The following C22orf15 variants were observed in gnomAD, a reference collection of about 807,000 sequenced individuals.
C22orf15 encodes chromosome 22 open reading frame 15, also known as uncharacterized protein C22orf15.
C22orf15 carries 21 observed loss-of-function variants against 20.3 expected under a neutral mutation model. The ratio of observed to expected loss-of-function variants is 1.04; its 90% confidence interval spans 0.74 to 1.49. The LOEUF (loss-of-function observed/expected upper bound fraction) is 1.49, where lower values mean the gene tolerates loss of function less well. Among genes scored for constraint, C22orf15 ranks in the 40% most tolerant of loss-of-function variants. The pLI, the probability that C22orf15 is intolerant of heterozygous loss-of-function variation, is 0.00. For synonymous variants in C22orf15, 78 were observed against 75.4 expected (o/e 1.03, Z -0.18); for missense variants, 170 against 191.1 (o/e 0.89, Z 0.65).
chr22:23,764,096 C>G lies in C22orf15; in HGVS notation c.35C>G (p.Ser12Trp). The G allele has an allele frequency of 6.4e-7, 1 of 1,550,712 alleles. No homozygotes were observed. Among genetic ancestry groups the G allele is most frequent in the South Asian group, 1.2e-5 (1 of 84,002 alleles). Residue 12 changes from serine (S) to tryptophan (W), a missense_variant, in exon 2 of 6, where the codon TCG becomes TGG. By Grantham distance (177) the Ser-to-Trp change is radical. Coordinates refer to ENST00000402217, the MANE Select transcript of C22orf15 (RefSeq NM_182520.3). Reference protein sequence around the residue: ...FIKVMFGAGCSVLVNTSCRLV... With the variant: ...FIKVMFGAGCWVLVNTSCRLV... ...TTGCCCCTCTCCACAGCTGGCTGCT[C>G]GGTGCTGGTGAACACCTCTTGCAGG...
chr22:23,765,768 C>T lies in C22orf15; in HGVS notation c.*36C>T. The stretch of plus-strand genomic sequence containing the variant: ...TGCACACTGTAGTGAGACATCCATC[C>T]TGACCCCACCTCATCAGCCAGGGAG... On this transcript the variant is annotated 3_prime_UTR_variant, in exon 6 of 6. Transcript: ENST00000402217. The T allele has an allele frequency of 6.5e-7, 1 of 1,548,766 alleles. No individual in the cohort carries two copies. The highest frequency in any genetic ancestry group is 8.7e-7 in the Non-Finnish European group (1 of 1,145,224).
At chr22:23,764,054 A>G (rs1355852874) in intron 1 of C22orf15, 33 bp from the exon 2 acceptor site, 3 of 1,544,940 alleles carry the variant, frequency 1.9e-6, no homozygotes, top group Non-Finnish European at 2.6e-6. Context: ...AAGGTAAGAG[A>G]TCTCACAGGC....
intron 5 of C22orf15, chr22:23,765,326 T>C (rs1926597333): frequency 1.3e-6 from 2 of 1,546,446 alleles, no homozygotes; most frequent in Non-Finnish European, 1.7e-6. Flanking sequence ...ACTAGCCAAG[T>C]TGGACTCAGA....
intron 5 of C22orf15, 59 bp from the exon 6 acceptor site, chr22:23,765,662 G>C: frequency 6.6e-7 from 1 of 1,525,442 alleles, no homozygotes; most frequent in Non-Finnish European, 8.8e-7. Flanking sequence ...ACTGCCCAAG[G>C]AATCTGTCCT....
rs369504865 is a variant in C22orf15 at position 23,764,331 on chromosome 22, C to T, written c.184C>T (p.Arg62Trp). 2.6e-5 allele frequency: 40 copies of T among 1,551,454 alleles called. No individual in the cohort carries two copies. Among genetic ancestry groups the T allele is most frequent in the Non-Finnish European group, 2.9e-5 (33 of 1,146,988 alleles). ...GGAGGACCTGAAGGAAGGGGCTTCC[C>T]GGGCCCAGACCATGGGCAACTCCCT... ...LEEDLKEGAS[R>W]AQTMGNSLLK... Residue 62 changes from arginine to tryptophan, a missense_variant, in exon 3 of 6, where the codon CGG (arginine) becomes TGG (tryptophan). By Grantham distance (101) the Arg-to-Trp change is moderately radical. Coordinates refer to ENST00000402217, the MANE Select transcript of C22orf15 (RefSeq NM_182520.3).
chr22:23,763,957 C>T (rs561390209), intron 1 of C22orf15, 130 bp from the exon 2 acceptor site: 65 of 823,338 alleles, frequency 7.9e-5, no homozygotes, highest in Non-Finnish European at 1.2e-4. Flanking sequence ...CTGTTATGCC[C>T]GGGGCACAGT....
At chr22:23,765,014 A>G (rs1926527659) in intron 5 of C22orf15, 112 bp downstream of exon 5, 1 of 1,507,614 alleles carries the variant, frequency 6.6e-7, no homozygotes, top group Non-Finnish European at 8.8e-7. Context: ...CAGGACAGAC[A>G]CATATGATGA....
Position 23,764,071 on chromosome 22 carries a change from T to G in C22orf15, c.26-16T>G, listed in dbSNP as rs1926198135. On this transcript the variant is annotated splice_polypyrimidine_tract_variant and intron_variant, in intron 1 of 5. Transcript: ENST00000402217. ...GGTAAGAGATCTCACAGGCTCACCT[T>G]TGCCCCTCTCCACAGCTGGCTGCTC... 1 of 1,549,912 alleles carries G rather than the reference T, an allele frequency of 6.5e-7. No individual in the cohort carries two copies. The highest frequency in any genetic ancestry group is 2.0e-5 in the Admixed American group (1 of 50,982).
chr22:23,763,221 A>G lies in C22orf15; in HGVS notation c.-86A>G. 1 of 1,518,272 alleles carries G rather than the reference A, an allele frequency of 6.6e-7. No individual in the cohort carries two copies. Among genetic ancestry groups the G allele is most frequent in the Non-Finnish European group, 8.9e-7 (1 of 1,120,892 alleles). The allele number at this position is 1,518,272 out of a possible 1,614,324, so 94.1% of individuals were successfully genotyped here. ...TCCCTCCAGAGCCCGGCCCTGAAGC[A>G]GGTCTCTGCTCCACGCTTTTCCTTA... is the stretch of plus-strand genomic sequence containing the variant. On this transcript the variant is annotated 5_prime_UTR_variant, in exon 1 of 6. Coordinates refer to ENST00000402217, the MANE Select transcript of C22orf15 (RefSeq NM_182520.3).
Position 23,765,772 on chromosome 22 carries a change from C to T in C22orf15, c.*40C>T, listed in dbSNP as rs1266963428. 1.9e-6 allele frequency: 3 copies of T among 1,548,394 alleles called. No individual in the cohort carries two copies. Among genetic ancestry groups the T allele is most frequent in the Non-Finnish European group, 1.7e-6 (2 of 1,145,050 alleles). On this transcript the variant is annotated 3_prime_UTR_variant, in exon 6 of 6. Coordinates refer to ENST00000402217, the MANE Select transcript of C22orf15 (RefSeq NM_182520.3). The stretch of plus-strand genomic sequence containing the variant: ...CACTGTAGTGAGACATCCATCCTGA[C>T]CCCACCTCATCAGCCAGGGAGCTCC...
chr22:23,765,353 A>G lies in C22orf15; in HGVS notation c.436-368A>G, dbSNP rs1307977939. On this transcript the variant is annotated intron_variant, in intron 5 of 5. Coordinates refer to ENST00000402217, the MANE Select transcript of C22orf15 (RefSeq NM_182520.3). ...GGACTCAGACCCAAGGGGGTTAGCC[A>G]TGACCTCTGCCTTGTGTGATCAGGT... is the stretch of plus-strand genomic sequence containing the variant. The G allele has an allele frequency of 2.6e-6, 4 of 1,550,662 alleles. No homozygotes were observed. The Admixed American group carries it at 7.8e-5, about 30-fold the overall frequency.
At chr22:23,765,476 C>A (rs962395116) in intron 5 of C22orf15, 2 of 1,550,618 alleles carry the variant, frequency 1.3e-6, no homozygotes, top group Admixed American at 2.0e-5. Flanking sequence ...GGATTTGAGG[C>A]CGCCAGGGGC....
In C22orf15 at chr22:23,765,709, C is replaced by T; in HGVS notation, c.436-12C>T. The T allele has an allele frequency of 3.2e-6, 5 of 1,548,832 alleles. No homozygotes were observed. Among genetic ancestry groups the T allele is most frequent in the Non-Finnish European group, 4.4e-6 (5 of 1,145,492 alleles). On this transcript the variant is annotated splice_polypyrimidine_tract_variant and intron_variant, in intron 5 of 5. Coordinates refer to ENST00000402217, the MANE Select transcript of C22orf15 (RefSeq NM_182520.3). ...AGTGCAGATTGCAACAGGGCTCCTC[C>T]TCCCCACCCAGGGCCCTGATTAAGG...
rs1180443599 is a variant in C22orf15, at chr22:23,764,193, A to G, written c.112+20A>G. 3.9e-6 allele frequency: 6 copies of G among 1,551,582 alleles called. No individual in the cohort carries two copies. The highest frequency in any genetic ancestry group is 5.2e-6 in the Non-Finnish European group (6 of 1,146,954). On this transcript the variant is annotated intron_variant, in intron 2 of 5. Coordinates refer to ENST00000402217, the MANE Select transcript of C22orf15 (RefSeq NM_182520.3). ...CAGATGGTGAGGAGACAGGGAGGAGAAGGAGGGGCTGAGGGGTCCCAGGCA... is the reference window on the plus strand; with the variant it reads ...CAGATGGTGAGGAGACAGGGAGGAGGAGGAGGGGCTGAGGGGTCCCAGGCA...
rs530281324 is a variant in C22orf15 at position 23,764,453 on chromosome 22, C to T, written c.250+56C>T. ...GCTATGGTAGAATGTAAGAGGGGGGCATAGCAGACCATAGACCACCCAAGG... is the reference window on the plus strand; with the variant it reads ...GCTATGGTAGAATGTAAGAGGGGGGTATAGCAGACCATAGACCACCCAAGG... On this transcript the variant is annotated intron_variant, in intron 3 of 5. Coordinates refer to ENST00000402217, the MANE Select transcript of C22orf15 (RefSeq NM_182520.3). 3.0e-4 allele frequency: 477 copies of T among 1,604,812 alleles called. 2 individuals are homozygous for T. In the South Asian group the frequency reaches 3.7e-3, roughly 13 times the overall value.
Position 23,764,072 on chromosome 22 carries a change from T to C in C22orf15, c.26-15T>C, listed in dbSNP as rs1926198880. 6.5e-7 allele frequency: 1 copy of C among 1,549,918 alleles called. No individual in the cohort carries two copies. The highest frequency in any genetic ancestry group is 1.4e-5 in the African/African-American group (1 of 73,130). ...GTAAGAGATCTCACAGGCTCACCTT[T>C]GCCCCTCTCCACAGCTGGCTGCTCG... On this transcript the variant is annotated splice_polypyrimidine_tract_variant and intron_variant, in intron 1 of 5. Coordinates refer to ENST00000402217, the MANE Select transcript of C22orf15 (RefSeq NM_182520.3).
intron 5 of C22orf15, chr22:23,765,377 G>T (rs1926608520): frequency 6.4e-7 from 1 of 1,551,034 alleles, no homozygotes; most frequent in African/African-American, 1.4e-5. Context: ...GTGTGATCAG[G>T]TGCAAACAGA....
rs999127971 is a variant in C22orf15 at position 23,763,407 on chromosome 22, C to T, written c.25+76C>T. On this transcript the variant is annotated intron_variant, in intron 1 of 5. Transcript: ENST00000402217. Reference sequence around the variant, plus strand: ...AGAGGCGTGCTTCCTTCCGCCCTTGCGGTGGGTGGGGAGGCAATGGCGGGA... The same window carrying T: ...AGAGGCGTGCTTCCTTCCGCCCTTGTGGTGGGTGGGGAGGCAATGGCGGGA... 6 of 1,190,560 alleles carry T rather than the reference C, an allele frequency of 5.0e-6. No individual in the cohort carries two copies. The Admixed American group carries it at 1.7e-4, about 34-fold the overall frequency. 73.7% of individuals were successfully genotyped at this position (1,190,560 alleles called of 1,614,324 possible).
At position 23,765,854 on chromosome 22, in the gene C22orf15, TA is replaced by T; in HGVS notation, c.*124del. 1.3e-6 allele frequency: 2 copies of T among 1,531,532 alleles called. No homozygotes were observed. Among genetic ancestry groups the T allele is most frequent in the Non-Finnish European group, 1.8e-6 (2 of 1,125,432 alleles). 94.9% of individuals were successfully genotyped at this position (1,531,532 alleles called of 1,614,324 possible). A position where few individuals can be genotyped will look rare whatever the true frequency, so the allele number is the denominator to read the frequency against. On this transcript the variant is annotated 3_prime_UTR_variant, in exon 6 of 6. Coordinates refer to ENST00000402217, the MANE Select transcript of C22orf15 (RefSeq NM_182520.3). ...CAGGCTGTGGTCTAAAATAAACTTTTAATTGCACATTTGTGTCTTGGGTTAT... is the reference window on the plus strand; with the variant it reads ...CAGGCTGTGGTCTAAAATAAACTTTTATTGCACATTTGTGTCTTGGGTTAT...
Sources: allele counts gnomAD v4.1 joint callset, GRCh38; gene constraint gnomAD v4.1.1; transcripts MANE v1.5; gene names NCBI Gene and HGNC (gene_info 2026-07-23, HGNC 2026-07-21).